The following MYO5A variants were observed in gnomAD, a reference collection of about 807,000 sequenced individuals.
MYO5A encodes unconventional myosin-Va.
Under a neutral mutation model 249.7 loss-of-function variants are expected in MYO5A, and 98 were observed. The ratio of observed to expected loss-of-function variants is 0.39; its 90% CI spans 0.33 to 0.46. The LOEUF is 0.46. Ranked by LOEUF, MYO5A falls within the 20% of genes least tolerant of loss-of-function variation. MYO5A has a pLI of 0.98. For synonymous variants in MYO5A, 778 were observed against 810.6 expected (o/e 0.96, Z 0.68); for missense variants, 1,696 against 2,308.8 (o/e 0.73, Z 5.44).
chr15:52,318,750 T>A (rs944273812), intron 39 of MYO5A, among the ~76,000 whole-genome samples: 4 of 152,228 alleles, frequency 2.6e-5, no homozygotes, highest in Admixed American at 2.6e-4. Flanking sequence ...GAAGCAGCTA[T>A]CTCATCTTTG....
At chr15:52,315,025 A>C (rs145986797) in intron 40 of MYO5A, among the ~76,000 whole-genome samples, 8 of 152,322 alleles carry the variant, frequency 5.3e-5, no homozygotes, top group Middle Eastern at 3.4e-3. Context: ...TGTTGTTATC[A>C]GGTCTGTGGG....
At chr15:52,444,590 T>C (rs1446314350) in intron 1 of MYO5A, among the ~76,000 whole-genome samples, 1 of 151,556 alleles carries the variant, frequency 6.6e-6, no homozygotes, top group African/African-American at 2.4e-5. Flanking sequence ...GATTAGGTTG[T>C]ATAAGGAAGA....
intron 2 of MYO5A, among the ~76,000 whole-genome samples, chr15:52,430,155 C>G (rs55706220): frequency 0.15 from 22,447 of 152,204 alleles, 1,786 homozygotes; most frequent in Middle Eastern, 0.22. Flanking sequence ...CAATTTACCA[C>G]TCAGCATTTC....
intron 36 of MYO5A, among the ~76,000 whole-genome samples, chr15:52,325,283 G>T (rs2038541797): frequency 6.6e-6 from 1 of 152,158 alleles, no homozygotes; most frequent in African/African-American, 2.4e-5. Context: ...CCAGCTGGAT[G>T]TAACGGCACC....
At chr15:52,472,308 T>A (rs1325898081) in intron 1 of MYO5A, among the ~76,000 whole-genome samples, 1 of 152,174 alleles carries the variant, frequency 6.6e-6, no homozygotes, top group African/African-American at 2.4e-5. Context: ...CTCGATCGCC[T>A]GACCTCGTGA....
chr15:52,374,080 T>G (rs2041274486), intron 20 of MYO5A, among the ~76,000 whole-genome samples: 1 of 152,156 alleles, frequency 6.6e-6, no homozygotes, highest in South Asian at 2.1e-4. Flanking sequence ...AGAGCTCTAA[T>G]ATCCAGGCTT....
chr15:52,313,469 A>G lies in MYO5A; in HGVS notation c.*227T>C, dbSNP rs1338206722. Reference sequence around the variant, plus strand: ...TCCTGTATGTAAACTCACGGTACCTAGTTGGTTAAGGATGAGTGTTGCTAT... The same window carrying G: ...TCCTGTATGTAAACTCACGGTACCTGGTTGGTTAAGGATGAGTGTTGCTAT... On this transcript the variant is annotated 3_prime_UTR_variant, in exon 42 of 42. Transcript: ENST00000399233. 9.2e-6 allele frequency: 5 copies of G among 545,462 alleles called. No individual in the cohort carries two copies. Among genetic ancestry groups the G allele is most frequent in the African/African-American group, 5.7e-5 (3 of 52,534 alleles). The allele number at this position is 545,462 out of a possible 1,614,324, so 33.8% of individuals were successfully genotyped here.
intron 1 of MYO5A, among the ~76,000 whole-genome samples, chr15:52,460,845 T>C (rs2076234720): frequency 6.6e-6 from 1 of 152,082 alleles, no homozygotes; most frequent in Non-Finnish European, 1.5e-5. Context: ...CAGTGCAATT[T>C]TAAATAAAAT....
intron 1 of MYO5A, among the ~76,000 whole-genome samples, chr15:52,446,690 G>A (rs932369612): frequency 6.6e-6 from 1 of 152,208 alleles, no homozygotes; most frequent in Admixed American, 6.5e-5. Context: ...AACAGCCCTA[G>A]GGGCTGAACC....
intron 1 of MYO5A, among the ~76,000 whole-genome samples, chr15:52,464,189 C>T (rs147330611): frequency 2.0e-5 from 3 of 152,272 alleles, no homozygotes; most frequent in African/African-American, 7.2e-5. Context: ...GGCCAAACCC[C>T]GATTCAGGTA....
At chr15:52,318,180 G>A (rs886081809) in intron 39 of MYO5A, among the ~76,000 whole-genome samples, 2 of 152,066 alleles carry the variant, frequency 1.3e-5, no homozygotes, top group African/African-American at 4.8e-5. Flanking sequence ...TTGTGGCCCA[G>A]CACGGTGGCT....
In MYO5A at chr15:52,375,389, C is replaced by A. The variant is rs771242490; in HGVS notation, c.2492G>T (p.Arg831Leu). Reference sequence around the variant, plus strand: ...AGCTCGTCTAATCTTGTACCTCCTGCGGACCACATACATGCGCCAGTACTT... The same window carrying A: ...AGCTCGTCTAATCTTGTACCTCCTGAGGACCACATACATGCGCCAGTACTT... ...IQKYWRMYVVRRRYKIRRAAT... is the reference protein window; with the variant it reads ...IQKYWRMYVVLRRYKIRRAAT... The change falls in exon 20 of 42, where the codon CGC (arginine) becomes CTC (leucine). Residue 831 changes from arginine (R) to leucine (L), a missense_variant. Physicochemically the swap from Arg to Leu is moderately radical, Grantham distance 102 (BLOSUM62 -2). Coordinates refer to ENST00000399233, the MANE Select transcript of MYO5A (RefSeq NM_001382347.1). 2.5e-6 allele frequency: 4 copies of A among 1,614,116 alleles called. No individual in the cohort carries two copies. The South Asian group carries it at 3.3e-5, about 13-fold the overall frequency.
chr15:52,326,925 T>C (rs1178561844), intron 36 of MYO5A, among the ~76,000 whole-genome samples: 1 of 152,004 alleles, frequency 6.6e-6, no homozygotes, highest in African/African-American at 2.4e-5. Context: ...TTCTCTGGAG[T>C]CAAGAGGGGG....
intron 1 of MYO5A, among the ~76,000 whole-genome samples, chr15:52,507,192 T>G (rs993967207): frequency 6.6e-6 from 1 of 152,198 alleles, no homozygotes; most frequent in African/African-American, 2.4e-5. Flanking sequence ...GGAACTGACT[T>G]TAGGATTCAA....
intron 36 of MYO5A, 135 bp downstream of exon 36, chr15:52,327,717 A>G: frequency 1.1e-6 from 1 of 927,080 alleles, no homozygotes; most frequent in Non-Finnish European, 1.8e-6. Context: ...CTCAAAATAG[A>G]TAGGTAAGTA....
Position 52,390,560 on chromosome 15 carries a change from C to CTTT in MYO5A, c.1543-1200_1543-1198dup, listed in dbSNP as rs548075503. On this transcript the variant is annotated intron_variant, in intron 12 of 41. Coordinates refer to ENST00000399233, the MANE Select transcript of MYO5A (RefSeq NM_001382347.1). ...TATTTCTCCCTCTCTTTTTTTTTTT[C>CTTT]TTTTTTTTTTTTTTTTGAGACAGGG... Among the ~76,000 whole-genome samples the CTTT allele has an allele frequency of 2.4e-3, 287 of 121,962 alleles. 5 individuals are homozygous for CTTT. The highest frequency in any genetic ancestry group is 8.5e-3 in the African/African-American group (275 of 32,220). 80.0% of individuals were successfully genotyped at this position (121,962 alleles called of 152,430 possible).
chr15:52,417,512 A>T (rs1303540116), intron 4 of MYO5A, among the ~76,000 whole-genome samples: 1 of 152,208 alleles, frequency 6.6e-6, no homozygotes, highest in Non-Finnish European at 1.5e-5. Context: ...TAAATAAGTC[A>T]TGATCTGTAT....
chr15:52,333,035 C>T (rs1016422597), intron 34 of MYO5A, among the ~76,000 whole-genome samples: 1 of 152,194 alleles, frequency 6.6e-6, no homozygotes, highest in Admixed American at 6.5e-5. Flanking sequence ...TGTAAGAACA[C>T]AGAGTTCGTC....
intron 2 of MYO5A, among the ~76,000 whole-genome samples, chr15:52,429,454 C>A (rs1044687398): frequency 1.3e-5 from 2 of 151,934 alleles, no homozygotes; most frequent in Admixed American, 6.6e-5. Flanking sequence ...TTTGGGAGGC[C>A]GAGGTGGGTG....
Sources: gnomAD v4.1 joint callset for allele counts (sites outside exome capture counted in the v4.1 genomes callset) on GRCh38, gnomAD v4.1.1 for gene constraint, MANE v1.5 for transcripts, NCBI Gene and HGNC (gene_info 2026-07-23, HGNC 2026-07-21) for gene names.